CTC1: variants seen among roughly 807,000 people sequenced by gnomAD.
CTC1 encodes the protein CST telomere replication complex component 1, also known as CST complex subunit CTC1.
A neutral mutation model predicts 136.3 loss-of-function variants in CTC1; 91 were observed. The ratio of observed to expected loss-of-function variants is 0.67; its 90% CI spans 0.56 to 0.79. The LOEUF is 0.79. Ranked by LOEUF, CTC1 falls within the 30% of genes least tolerant of loss-of-function variation. The pLI is 0.00. For synonymous variants in CTC1, 606 were observed against 613.8 expected (o/e 0.99, Z 0.19); for missense variants, 1,432 against 1,498.1 (o/e 0.96, Z 0.73).
chr17:8,238,674 CCTA>C (rs1282167881), intron 2 of CTC1, 45 bp from the exon 3 acceptor site: 13 of 1,415,360 alleles, frequency 9.2e-6, no homozygotes, highest in Non-Finnish European at 9.6e-6. Context: ...CAGGTCCAAG[CCTA>C]CTAAGGCAAC....
rs776956576 is a variant in CTC1, at chr17:8,229,193, C to T, written c.3170G>A (p.Arg1057His). The change falls in exon 20 of 23, where the codon CGC (arginine) becomes CAC (histidine). Residue 1057 changes from arginine (R) to histidine (H), a missense_variant. Coordinates refer to ENST00000651323, the MANE Select transcript of CTC1 (RefSeq NM_025099.6). ...CTGCGTAGGGCAAGTGGAGCCCAGG[C>T]GAGTGCACTTTCCCTGGGATGAAGA... ...TSICRQGKCTRLGSTCPTQTA... is the reference protein window; with the variant it reads ...TSICRQGKCTHLGSTCPTQTA... 1.6e-5 allele frequency: 26 copies of T among 1,614,162 alleles called. No individual in the cohort carries two copies. Among genetic ancestry groups the T allele is most frequent in the Admixed American group, 3.3e-5 (2 of 60,008 alleles).
In CTC1 at chr17:8,232,051, A is replaced by C; in HGVS notation, c.2237T>G (p.Phe746Cys). 2 of 1,572,238 alleles carry C rather than the reference A, an allele frequency of 1.3e-6. No individual in the cohort carries two copies. Among genetic ancestry groups the C allele is most frequent in the Non-Finnish European group, 1.7e-6 (2 of 1,164,012 alleles). ...CHKEALMKRN[F>C]CVPPGASPEV... ...TGGACTTGCTCCTGGGGGGACACAA[A>C]AATTACGCTTCATGAGGGCCTCCTT... is the stretch of plus-strand genomic sequence containing the variant. Residue 746 changes from phenylalanine (F) to cysteine (C), a missense_variant, in exon 13 of 23, where the codon TTT becomes TGT. Coordinates refer to ENST00000651323, the MANE Select transcript of CTC1 (RefSeq NM_025099.6).
rs1012522375 is a variant in CTC1 at position 8,224,871 on chromosome 17, G to C, written c.*3309C>G. The stretch of plus-strand genomic sequence containing the variant: ...TTTTTTGAGACGGAGTTTCACTCTT[G>C]TTGCCCAGGCTGGGATGCAGTGGCG... On this transcript the variant is annotated 3_prime_UTR_variant, in exon 23 of 23. Coordinates refer to ENST00000651323, the MANE Select transcript of CTC1 (RefSeq NM_025099.6). The C allele has an allele frequency of 4.1e-4, 62 of 152,074 alleles. No individual in the cohort carries two copies. The highest frequency in any genetic ancestry group is 1.4e-3 in the African/African-American group (58 of 41,366). The allele number at this position is 152,074 out of a possible 1,614,324, so 9.4% of individuals were successfully genotyped here.
Position 8,225,992 on chromosome 17 carries a change from C to A in CTC1, c.*2188G>T, listed in dbSNP as rs1211478225. On this transcript the variant is annotated 3_prime_UTR_variant, in exon 23 of 23. Transcript: ENST00000651323. ...GGGTGGGGCGGCCGCCTGACCCAGT[C>A]CACCTGCACCAGTGGGGTGTGGCAT... The A allele has an allele frequency of 6.6e-6, 1 of 152,062 alleles. No homozygotes were observed. Among genetic ancestry groups the A allele is most frequent in the Non-Finnish European group, 1.5e-5 (1 of 68,040 alleles). 9.4% of individuals were successfully genotyped at this position (152,062 alleles called of 1,614,324 possible). A position where few individuals can be genotyped will look rare whatever the true frequency, so the allele number is the denominator to read the frequency against.
Position 8,235,231 on chromosome 17 carries a change from G to C in CTC1, c.1261C>G (p.Leu421Val). Residue 421 changes from leucine (L) to valine (V), a missense_variant, in exon 8 of 23, where the codon CTC becomes GTC. Coordinates refer to ENST00000651323, the MANE Select transcript of CTC1 (RefSeq NM_025099.6). ...ACGGCGCCACGGAGGCAGGGGGCGA[G>C]CACTGGCCTTCTTGTCCCCCCTCCC... ...SVGGGTRRPV[L>V]APCLRGAVLL... The C allele has an allele frequency of 6.2e-7, 1 of 1,614,136 alleles. No homozygotes were observed. Among genetic ancestry groups the C allele is most frequent in the Non-Finnish European group, 8.5e-7 (1 of 1,180,020 alleles).
intron 11 of CTC1, 84 bp downstream of exon 11, chr17:8,232,822 C>A: frequency 1.3e-6 from 2 of 1,545,252 alleles, no homozygotes; most frequent in Non-Finnish European, 1.8e-6. Flanking sequence ...CTAGTAAATC[C>A]CAGCAGGCTT....
Position 8,229,941 on chromosome 17 carries a change from C to A in CTC1, c.2961G>T (p.Arg987=). ...TCAGGACCTGCACATAAGTGGATGACCGGAAACAACAATAAACATTGTGAG... is the reference window on the plus strand; with the variant it reads ...TCAGGACCTGCACATAAGTGGATGAACGGAAACAACAATAAACATTGTGAG... The part of the protein sequence containing the change: ...SRSHNVYCCF[R]SSTYVQVLSF... The change falls in exon 18 of 23, where the codon CGG becomes CGT. Residue 987 remains arginine (R), a synonymous_variant. Coordinates refer to ENST00000651323, the MANE Select transcript of CTC1 (RefSeq NM_025099.6). The A allele has an allele frequency of 6.2e-7, 1 of 1,613,978 alleles. No homozygotes were observed. Among genetic ancestry groups the A allele is most frequent in the African/African-American group, 1.3e-5 (1 of 74,960 alleles).
chr17:8,245,099 C>A (rs1027882582), intron 1 of CTC1, among the ~76,000 whole-genome samples: 5 of 151,988 alleles, frequency 3.3e-5, no homozygotes, highest in Non-Finnish European at 7.4e-5. Context: ...AGCTAAATAA[C>A]GAGAACACGT....
At chr17:8,231,872 C>A in intron 13 of CTC1, 31 bp downstream of exon 13, 1 of 1,613,274 alleles carries the variant, frequency 6.2e-7, no homozygotes, top group South Asian at 1.1e-5. Context: ...GGGCGCAGGT[C>A]AGGTCCTGGG....
rs147714487 is a variant in CTC1, at chr17:8,228,230, G to A, written c.3604C>T (p.Arg1202Ter). ...PRLRLSCLSIRESEYSSSLGI... is the reference protein window; with the variant it reads ...PRLRLSCLSI ...AGAGAGCTGGAGTACTCTGACTCTC[G>A]GATAGAAAGGCAGGACAATCGGAGC... Residue 1202 changes from arginine (R) to a stop codon, truncating the protein, a stop_gained, in exon 23 of 23, where the codon CGA becomes TGA. Transcript: ENST00000651323. LOFTEE classifies it low-confidence loss of function (END_TRUNC). 388 of 1,613,992 alleles carry A rather than the reference G, an allele frequency of 2.4e-4. 2 individuals carry two copies. The African/African-American group carries it at 4.0e-3, about 17-fold the overall frequency.
At chr17:8,231,123 A>G (rs1987179942) in intron 15 of CTC1, among the ~76,000 whole-genome samples, 153 bp downstream of exon 15, 1 of 152,144 alleles carries the variant, frequency 6.6e-6, no homozygotes, top group South Asian at 2.1e-4. Context: ...CTTAGGCAAC[A>G]GAGTGAGACT....
At chr17:8,231,638 G>T in intron 14 of CTC1, 88 bp downstream of exon 14, 1 of 1,345,584 alleles carries the variant, frequency 7.4e-7, no homozygotes, top group Non-Finnish European at 1.1e-6. Context: ...AGGAGGCCTA[G>T]AGAATGACCA....
chr17:8,238,370 C>A (rs1299797180), intron 3 of CTC1, 22 bp downstream of exon 3: 1 of 1,603,160 alleles, frequency 6.2e-7, no homozygotes, highest in Non-Finnish European at 8.5e-7. Context: ...TCTGAGGCAT[C>A]TGATCTCCAC....
intron 2 of CTC1, 95 bp downstream of exon 2, chr17:8,242,890 T>C: frequency 8.6e-7 from 1 of 1,162,640 alleles, no homozygotes; most frequent in Non-Finnish European, 1.2e-6. Context: ...GCTCACTCTC[T>C]CACTTGCCCT....
At chr17:8,234,064 A>C (rs1213714485) in intron 10 of CTC1, among the ~76,000 whole-genome samples, 3 of 151,788 alleles carry the variant, frequency 2.0e-5, no homozygotes, top group African/African-American at 7.3e-5. Context: ...GGCTCACTAT[A>C]CTCTTGATCT....
rs886053603 is a variant in CTC1, at chr17:8,226,979, A to C, written c.*1201T>G. The C allele has an allele frequency of 6.6e-6, 1 of 152,480 alleles. No homozygotes were observed. The highest frequency in any genetic ancestry group is 1.9e-4 in the East Asian group (1 of 5,192). 9.4% of individuals were successfully genotyped at this position (152,480 alleles called of 1,614,324 possible). Reference sequence around the variant, plus strand: ...TCAGAAAACAAAACACACACAAAAAAAAGCCACCCACTGGCCCGTACGGGG... The same window carrying C: ...TCAGAAAACAAAACACACACAAAAACAAGCCACCCACTGGCCCGTACGGGG... On this transcript the variant is annotated 3_prime_UTR_variant, in exon 23 of 23. Coordinates refer to ENST00000651323, the MANE Select transcript of CTC1 (RefSeq NM_025099.6).
At chr17:8,242,874 T>C in intron 2 of CTC1, 111 bp downstream of exon 2, 9 of 949,840 alleles carry the variant, frequency 9.5e-6, no homozygotes, top group Non-Finnish European at 1.4e-5. Flanking sequence ...GACTACCTTG[T>C]CCTCCGCTCA....
chr17:8,229,861 A>G (rs1325048685), intron 18 of CTC1, 30 bp downstream of exon 18: 4 of 1,587,612 alleles, frequency 2.5e-6, no homozygotes, highest in Non-Finnish European at 3.5e-6. Flanking sequence ...TGAAGCCAGG[A>G]AGTTTAGGGG....
Position 8,234,898 on chromosome 17 carries a change from G to A in CTC1, c.1468C>T (p.Gln490Ter). ...KLCPHVLRHH[Q>*]FLQHSSPGSP... ...CCAGGAGAGGAATGTTGCAGGAACT[G>A]GTGGTGTCTCAGCACATGGGGACAC... Residue 490 changes from glutamine to a stop codon, truncating the protein, a stop_gained, in exon 9 of 23, where the codon CAG (glutamine) becomes TAG (stop). Transcript: ENST00000651323. LOFTEE classifies it high-confidence loss of function. The A allele has an allele frequency of 1.2e-6, 2 of 1,608,098 alleles. No homozygotes were observed. The highest frequency in any genetic ancestry group is 1.7e-6 in the Non-Finnish European group (2 of 1,176,896).
Sources: allele counts gnomAD v4.1 joint callset (sites outside exome capture counted in the v4.1 genomes callset), GRCh38; gene constraint gnomAD v4.1.1; transcripts MANE v1.5; gene names NCBI Gene and HGNC (gene_info 2026-07-23, HGNC 2026-07-21).